Variants in FNBP1 observed in about 807,000 individuals in gnomAD.
The protein encoded by FNBP1 is formin binding protein 1, also known as formin-binding protein 1.
Under a neutral mutation model 90.6 loss-of-function variants are expected in FNBP1, and 26 were observed. The ratio of observed to expected loss-of-function variants is 0.29; its 90% CI spans 0.21 to 0.40. The LOEUF is 0.40. Ranked by LOEUF, FNBP1 falls within the 10% of genes least tolerant of loss-of-function variation. The probability of loss-of-function intolerance (pLI) is 1.00; values close to 1 mark genes in which losing one functional copy is unlikely to be tolerated. For synonymous variants in FNBP1, 260 were observed against 265.2 expected, an observed-to-expected ratio of 0.98 and a Z score of 0.19; for missense variants, 635 against 768.0, an observed-to-expected ratio of 0.83 and a Z score of 2.05.
intron 1 of FNBP1, among the ~76,000 whole-genome samples, chr9:130,032,285 C>T (rs1328096230): frequency 1.3e-5 from 2 of 151,976 alleles, no homozygotes; most frequent in Non-Finnish European, 2.9e-5. Flanking sequence ...ATCCTCCCAT[C>T]TCAGCTTCCC....
intron 6 of FNBP1, among the ~76,000 whole-genome samples, chr9:129,944,951 T>C (rs2045001769): frequency 6.6e-6 from 1 of 152,160 alleles, no homozygotes; most frequent in Admixed American, 6.6e-5. Flanking sequence ...TCAGGCCACA[T>C]ACTAAGTGCC....
chr9:129,890,599 CGGG>C lies in FNBP1; in HGVS notation c.1847-56_1847-54del. On this transcript the variant is annotated intron_variant, in intron 16 of 16. Coordinates refer to ENST00000446176, the MANE Select transcript of FNBP1 (RefSeq NM_015033.3). The surrounding 1 kb of genome is among the most constrained non-coding windows in gnomAD (Gnocchi z 5.8). Reference sequence around the variant, plus strand: ...AAACTCTCTGTTAGAGAGGAAGGCGCGGGTTCCAGGCGGGCATTTTGCTCTTGG... The same window carrying C: ...AAACTCTCTGTTAGAGAGGAAGGCGCTTCCAGGCGGGCATTTTGCTCTTGG... 7.8e-7 allele frequency: 1 copy of C among 1,279,736 alleles called. No homozygotes were observed. Among genetic ancestry groups the C allele is most frequent in the Non-Finnish European group, 1.0e-6 (1 of 969,362 alleles). The allele number at this position is 1,279,736 out of a possible 1,614,324, so 79.3% of individuals were successfully genotyped here.
chr9:129,992,379 G>C (rs748876681), intron 2 of FNBP1, among the ~76,000 whole-genome samples: 16 of 152,014 alleles, frequency 1.1e-4, no homozygotes, highest in Admixed American at 3.3e-4. Flanking sequence ...ATGCACACAG[G>C]GCACTAGAAA....
intron 1 of FNBP1, among the ~76,000 whole-genome samples, chr9:130,010,635 G>C (rs993767503): frequency 1.3e-5 from 2 of 152,188 alleles, no homozygotes; most frequent in Non-Finnish European, 1.5e-5. Context: ...GAAAGCACCT[G>C]GCTTTTTGAT....
At chr9:129,943,554 T>C (rs901651074) in intron 6 of FNBP1, among the ~76,000 whole-genome samples, 8 of 152,034 alleles carry the variant, frequency 5.3e-5, no homozygotes, top group Admixed American at 5.2e-4. Context: ...GCCCAGCTAA[T>C]TTTTGTATTT....
At chr9:130,022,114 C>T (rs935427109) in intron 1 of FNBP1, among the ~76,000 whole-genome samples, 2 of 152,188 alleles carry the variant, frequency 1.3e-5, no homozygotes, top group African/African-American at 4.8e-5. Flanking sequence ...CCGCCTCAGC[C>T]TCCCAAAGTG....
intron 9 of FNBP1, 90 bp downstream of exon 9, chr9:129,924,870 C>CA (rs1368810093): frequency 9.0e-6 from 10 of 1,116,654 alleles, no homozygotes; most frequent in Non-Finnish European, 1.3e-5. Context: ...TCTGAAACTA[C>CA]AGGTTTAGGA....
At chr9:129,941,101 C>T (rs576753256) in intron 6 of FNBP1, among the ~76,000 whole-genome samples, 2 of 152,198 alleles carry the variant, frequency 1.3e-5, no homozygotes, top group African/African-American at 2.4e-5. Context: ...TTAAATAGAA[C>T]GTCAAGGCCG....
At chr9:129,935,034 TA>T (rs2043224742) in intron 6 of FNBP1, among the ~76,000 whole-genome samples, 1 of 152,068 alleles carries the variant, frequency 6.6e-6, no homozygotes, top group Non-Finnish European at 1.5e-5. Flanking sequence ...CTAATGGGTT[TA>T]AAGACAAAAA....
chr9:129,951,631 G>A (rs1197455424), intron 6 of FNBP1, among the ~76,000 whole-genome samples: 1 of 150,996 alleles, frequency 6.6e-6, no homozygotes, highest in Non-Finnish European at 1.5e-5. Context: ...TTTTTGTAGA[G>A]ACAAGGTCTC....
At chr9:130,038,589 G>C (rs996309515) in intron 1 of FNBP1, among the ~76,000 whole-genome samples, 2 of 151,868 alleles carry the variant, frequency 1.3e-5, no homozygotes, top group African/African-American at 4.8e-5. Context: ...TAGAGATGGG[G>C]TTTCACCATC....
chr9:129,989,878 A>T (rs1352161987), intron 2 of FNBP1, among the ~76,000 whole-genome samples: 3 of 152,114 alleles, frequency 2.0e-5, no homozygotes, highest in Non-Finnish European at 4.4e-5. Flanking sequence ...TCTCTGCAAA[A>T]GATACAAAAA....
At chr9:129,934,655 T>A (rs1260609592) in intron 6 of FNBP1, among the ~76,000 whole-genome samples, 1 of 151,650 alleles carries the variant, frequency 6.6e-6, no homozygotes, top group Non-Finnish European at 1.5e-5. Context: ...CACTGCAACC[T>A]CTGCCTCCCA....
chr9:129,990,941 T>G (rs2053043849), intron 2 of FNBP1, among the ~76,000 whole-genome samples: 1 of 150,664 alleles, frequency 6.6e-6, no homozygotes, highest in South Asian at 2.1e-4. Flanking sequence ...GGTTTTTTTT[T>G]TTTTTTTTTT....
At chr9:129,951,249 G>A (rs763571182) in intron 6 of FNBP1, among the ~76,000 whole-genome samples, 3 of 151,648 alleles carry the variant, frequency 2.0e-5, no homozygotes, top group Non-Finnish European at 4.4e-5. Flanking sequence ...GAGCCACCAT[G>A]CCCGGTCTAA....
intron 2 of FNBP1, among the ~76,000 whole-genome samples, chr9:129,986,747 G>A (rs925587563): frequency 3.9e-5 from 6 of 152,032 alleles, no homozygotes; most frequent in Non-Finnish European, 5.9e-5. Context: ...CTGAGATCAC[G>A]CCATTGCACT....
intron 11 of FNBP1, among the ~76,000 whole-genome samples, chr9:129,913,103 G>C (rs1452329163): frequency 6.6e-6 from 1 of 152,094 alleles, no homozygotes; most frequent in Non-Finnish European, 1.5e-5. Context: ...AGCTACTCGG[G>C]AGGCTGAATC....
chr9:129,948,284 A>G (rs1471457131), intron 6 of FNBP1, among the ~76,000 whole-genome samples: 1 of 151,834 alleles, frequency 6.6e-6, no homozygotes, highest in Admixed American at 6.6e-5. Flanking sequence ...CAACAAACAA[A>G]CAAACAAAAT....
At chr9:130,032,375 T>C (rs76257106) in intron 1 of FNBP1, among the ~76,000 whole-genome samples, 1,605 of 152,188 alleles carry the variant, frequency 0.011, 35 homozygotes, top group African/African-American at 0.037. Context: ...CTCAGTATGT[T>C]ACCCAGGCTG....
Sources: allele counts gnomAD v4.1 joint callset (sites outside exome capture counted in the v4.1 genomes callset), GRCh38; gene constraint gnomAD v4.1.1; non-coding constraint Gnocchi (gnomAD v3.1); transcripts MANE v1.5; gene names NCBI Gene and HGNC (gene_info 2026-07-23, HGNC 2026-07-21).